RHOBTB3: variants seen among roughly 807,000 people sequenced by gnomAD.
RHOBTB3 encodes rho-related BTB domain-containing protein 3.
RHOBTB3 carries 47 observed loss-of-function variants against 67.2 expected under a neutral mutation model. The observed-to-expected ratio is 0.70, with a 90% confidence interval of 0.55 to 0.89. RHOBTB3 has a LOEUF of 0.89. Among genes scored for constraint, RHOBTB3 ranks in the 40% least tolerant of loss-of-function variants. The pLI is 0.00. For synonymous variants in RHOBTB3, 273 were observed against 274.2 expected (o/e 1.00, Z 0.04); for missense variants, 631 against 750.0 (o/e 0.84, Z 1.85).
At position 95,793,370 on chromosome 5, in the gene RHOBTB3, T is replaced by C. The variant is rs1462956378; in HGVS notation, c.*196T>C. ...AAAGGGAACAAAATATACCATAGGC[T>C]AAAACTAAGGCTTTCACTCTAGAAT... On this transcript the variant is annotated 3_prime_UTR_variant, in exon 12 of 12. Coordinates refer to ENST00000379982, the MANE Select transcript of RHOBTB3 (RefSeq NM_014899.4). The C allele has an allele frequency of 4.7e-6, 2 of 422,322 alleles. No homozygotes were observed. The highest frequency in any genetic ancestry group is 8.4e-5 in the Admixed American group (2 of 23,716). The allele number at this position is 422,322 out of a possible 1,614,324, so 26.2% of individuals were successfully genotyped here. A position where few individuals can be genotyped will look rare whatever the true frequency, so the allele number is the denominator to read the frequency against.
Position 95,748,449 on chromosome 5 carries a change from C to T in RHOBTB3, c.532C>T (p.Leu178Phe). ...AGCGACCTATCTTGAACTCCACAGC[C>T]TTGATGACTTCTACATAGGAAAGTA... is the stretch of plus-strand genomic sequence containing the variant. ...LGATYLELHS[L>F]DDFYIGKYFG... Residue 178 changes from leucine (L) to phenylalanine (F), a missense_variant, in exon 4 of 12, where the codon CTT becomes TTT. Leu to Phe is a conservative substitution (Grantham distance 22). Transcript: ENST00000379982. 1.2e-6 allele frequency: 2 copies of T among 1,613,344 alleles called. No homozygotes were observed. The highest frequency in any genetic ancestry group is 1.7e-6 in the Non-Finnish European group (2 of 1,179,498).
intron 3 of RHOBTB3, among the ~76,000 whole-genome samples, chr5:95,741,727 A>G (rs772386773): frequency 3.9e-5 from 6 of 151,906 alleles, no homozygotes; most frequent in Non-Finnish European, 8.8e-5. Flanking sequence ...CTGTCATAAT[A>G]TGAACATTTT....
intron 8 of RHOBTB3, among the ~76,000 whole-genome samples, chr5:95,779,041 A>G (rs1400493020): frequency 6.6e-6 from 1 of 152,242 alleles, no homozygotes; most frequent in Non-Finnish European, 1.5e-5. Flanking sequence ...CTGGGCTTAG[A>G]TGTAACTCTT....
intron 9 of RHOBTB3, chr5:95,781,725 C>T (rs888636476): frequency 1.8e-4 from 27 of 152,318 alleles, no homozygotes; most frequent in African/African-American, 6.3e-4. Context: ...TGACGTGTGC[C>T]TGTAATCCCA....
chr5:95,744,277 C>G (rs934863039), intron 3 of RHOBTB3, among the ~76,000 whole-genome samples: 1 of 152,190 alleles, frequency 6.6e-6, no homozygotes, highest in African/African-American at 2.4e-5. Context: ...ATCAGCATAG[C>G]AAATTCACAC....
rs1755286890 is a variant in RHOBTB3 at position 95,732,044 on chromosome 5, T to C, written c.188T>C (p.Phe63Ser). Residue 63 changes from phenylalanine (F) to serine (S), a missense_variant, in exon 2 of 12, where the codon TTT becomes TCT. Physicochemically the swap from Phe to Ser is radical, Grantham distance 155. Coordinates refer to ENST00000379982, the MANE Select transcript of RHOBTB3 (RefSeq NM_014899.4). ...TTCACCGAGTATCAGGCCAGTGCGT[T>C]TGGGAATGTCAAGCTGGTGGTCCAC... is the stretch of plus-strand genomic sequence containing the variant. The part of the protein sequence containing the change: ...PVFTEYQASA[F>S]GNVKLVVHDC... The C allele has an allele frequency of 6.2e-7, 1 of 1,614,134 alleles. No individual in the cohort carries two copies. Among genetic ancestry groups the C allele is most frequent in the Non-Finnish European group, 8.5e-7 (1 of 1,180,014 alleles).
At chr5:95,769,028 C>T (rs1050175525) in intron 8 of RHOBTB3, 15 of 276,430 alleles carry the variant, frequency 5.4e-5, no homozygotes, top group African/African-American at 9.0e-5. Flanking sequence ...TTTCCGCAGA[C>T]GAGACCAGGT....
At chr5:95,744,268 T>C (rs1755687238) in intron 3 of RHOBTB3, among the ~76,000 whole-genome samples, 1 of 152,236 alleles carries the variant, frequency 6.6e-6, no homozygotes, top group African/African-American at 2.4e-5. Context: ...CCCTATCATA[T>C]CAGCATAGCA....
intron 10 of RHOBTB3, 77 bp downstream of exon 10, chr5:95,784,040 T>C: frequency 8.4e-7 from 1 of 1,197,484 alleles, no homozygotes; most frequent in South Asian, 1.9e-5. Context: ...AAATTTATCA[T>C]TTTTTAACAT....
chr5:95,767,814 A>G (rs1441324416), intron 7 of RHOBTB3: 3 of 703,604 alleles, frequency 4.3e-6, no homozygotes, highest in Non-Finnish European at 7.8e-6. Flanking sequence ...GTTTTCACTT[A>G]GGCAATTTGT....
chr5:95,741,246 C>T (rs566339060), intron 3 of RHOBTB3, among the ~76,000 whole-genome samples: 11 of 150,246 alleles, frequency 7.3e-5, no homozygotes, highest in African/African-American at 1.5e-4. Flanking sequence ...GAGAATGGCA[C>T]GAACCCAGGA....
At chr5:95,758,362 G>T (rs2112803572) in intron 6 of RHOBTB3, among the ~76,000 whole-genome samples, 1 of 152,222 alleles carries the variant, frequency 6.6e-6, no homozygotes, top group South Asian at 2.1e-4. Flanking sequence ...AATATTCTGG[G>T]GACATTTGAT....
At chr5:95,773,538 G>C (rs1745781059) in intron 8 of RHOBTB3, among the ~76,000 whole-genome samples, 1 of 152,194 alleles carries the variant, frequency 6.6e-6, no homozygotes, top group African/African-American at 2.4e-5. Flanking sequence ...TGACCAGTGT[G>C]TCTGTGGGCA....
chr5:95,765,314 C>T (rs367720297), intron 7 of RHOBTB3, among the ~76,000 whole-genome samples: 4 of 152,102 alleles, frequency 2.6e-5, no homozygotes, highest in Admixed American at 6.5e-5. Context: ...AGTCTTGATT[C>T]GGAACACATT....
intron 10 of RHOBTB3, among the ~76,000 whole-genome samples, chr5:95,788,044 A>C (rs1457168386): frequency 6.6e-6 from 1 of 152,280 alleles, no homozygotes; most frequent in Non-Finnish European, 1.5e-5. Flanking sequence ...AATAATAAAA[A>C]AAAGAGTTCT....
Position 95,745,036 on chromosome 5 carries a change from G to A in RHOBTB3, c.416-3297G>A, listed in dbSNP as rs1443386253. Among the ~76,000 whole-genome samples the A allele has an allele frequency of 2.0e-5, 3 of 151,328 alleles. No individual in the cohort carries two copies. In the East Asian group the frequency reaches 5.8e-4, roughly 29 times the overall value. ...TGAAGTGAGCAGAGATCATGCCACT[G>A]CACTCCAGCCTGGGCGACAGAGTGA... On this transcript the variant is annotated intron_variant, in intron 3 of 11. Transcript: ENST00000379982.
intron 6 of RHOBTB3, among the ~76,000 whole-genome samples, chr5:95,763,017 T>G (rs1356365106): frequency 6.6e-6 from 1 of 152,192 alleles, no homozygotes; most frequent in East Asian, 1.9e-4. Flanking sequence ...TTTGTAGAGT[T>G]GGCTCTCAAG....
At chr5:95,747,740 A>C (rs1238076774) in intron 3 of RHOBTB3, among the ~76,000 whole-genome samples, 2 of 152,156 alleles carry the variant, frequency 1.3e-5, no homozygotes, top group Admixed American at 1.3e-4. Flanking sequence ...GAATGATTGA[A>C]CTTGTTCTCT....
At chr5:95,744,687 T>G (rs1449331315) in intron 3 of RHOBTB3, among the ~76,000 whole-genome samples, 1 of 152,182 alleles carries the variant, frequency 6.6e-6, no homozygotes, top group Non-Finnish European at 1.5e-5. Context: ...CATCCATCCC[T>G]TGGAATACAT....
Sources: gnomAD v4.1 joint callset for allele counts (sites outside exome capture counted in the v4.1 genomes callset) on GRCh38, gnomAD v4.1.1 for gene constraint, MANE v1.5 for transcripts, NCBI Gene and HGNC (gene_info 2026-07-23, HGNC 2026-07-21) for gene names.